SACS: variants seen among roughly 807,000 people sequenced by gnomAD.
SACS encodes sacsin.
In SACS, 197 loss-of-function variants were observed where a neutral mutation model predicts 348.0. The ratio of observed to expected loss-of-function variants is 0.57; its 90% CI spans 0.50 to 0.64. The LOEUF (loss-of-function observed/expected upper bound fraction) is 0.64. SACS is among the 30% of genes least tolerant of loss of function. The pLI, the probability that SACS is intolerant of heterozygous loss-of-function variation, is 0.00. For synonymous variants in SACS, 1,985 were observed against 1,910.6 expected (o/e 1.04, Z -1.02); for missense variants, 4,999 against 5,360.8 (o/e 0.93, Z 2.11).
At chr13:23,405,123 A>G (rs1873150049) in intron 2 of SACS, among the ~76,000 whole-genome samples, 1 of 152,238 alleles carries the variant, frequency 6.6e-6, no homozygotes. Flanking sequence ...AGCAAAAATA[A>G]CAAAGCTGGA....
At chr13:23,409,040 C>CTTTATTTTTTTTTTT (rs1873359919) in intron 2 of SACS, among the ~76,000 whole-genome samples, 1 of 35,122 alleles carries the variant, frequency 2.8e-5, no homozygotes, top group Non-Finnish European at 4.9e-5. Context: ...ACAAGTTTTA[C>CTTTATTTTTTTTTTT]TTTTTTTTTT....
intron 2 of SACS, among the ~76,000 whole-genome samples, chr13:23,389,893 T>C (rs1404682189): frequency 5.9e-5 from 9 of 152,320 alleles, no homozygotes; most frequent in South Asian, 2.1e-4. Flanking sequence ...TACATCAAAA[T>C]GTCAAGTTAT....
intron 2 of SACS, among the ~76,000 whole-genome samples, chr13:23,399,037 A>AAAAAAAAAAAAAAAT (rs55848856): frequency 6.7e-6 from 1 of 149,750 alleles, no homozygotes; most frequent in African/African-American, 2.5e-5. Flanking sequence ...AAAAAAAAAA[A>AAAAAAAAAAAAAAAT]CATGGATGCC....
chr13:23,336,162 C>G lies in SACS; in HGVS notation c.7714G>C (p.Val2572Leu). Residue 2572 changes from valine to leucine, a missense_variant, in exon 10 of 10, where the codon GTT (valine) becomes CTT (leucine). Val to Leu is a conservative substitution (Grantham distance 32). Transcript: ENST00000382292. ...CACTTATCATCAAATATTCTATCAA[C>G]TGGATGCTGTCTAGGATCAAACACA... ...CFVFDPRQHP[V>L]DRIFDDKWAP... 6.2e-7 allele frequency: 1 copy of G among 1,613,848 alleles called. No homozygotes were observed. Among genetic ancestry groups the G allele is most frequent in the East Asian group, 2.2e-5 (1 of 44,882 alleles).
Position 23,334,527 on chromosome 13 carries a change from G to T in SACS, c.9349C>A (p.Leu3117Met). The T allele has an allele frequency of 1.2e-6, 2 of 1,613,404 alleles. No individual in the cohort carries two copies. Among genetic ancestry groups the T allele is most frequent in the African/African-American group, 2.7e-5 (2 of 74,970 alleles). Residue 3117 changes from leucine to methionine, a missense_variant, in exon 10 of 10, where the codon CTG becomes ATG. Transcript: ENST00000382292. ...TTAGTCTGCTGCAGACGACAAGGCA[G>T]CTTCCCAATATGGCAATTAGTGTCA... is the stretch of plus-strand genomic sequence containing the variant. ...SPDTNCHIGKLPCRLQQTNLK... is the reference protein window; with the variant it reads ...SPDTNCHIGKMPCRLQQTNLK...
In SACS at chr13:23,336,142, A is replaced by G; in HGVS notation, c.7734T>C (p.Asp2578=). The part of the protein sequence containing the change: ...RQHPVDRIFD[D]KWAPLQGPAL... ...CTGGCCCTTGCAATGGGGCCCACTT[A>G]TCATCAAATATTCTATCAACTGGAT... Residue 2578 remains aspartate, a synonymous_variant, in exon 10 of 10, where the codon GAT becomes GAC. Transcript: ENST00000382292. 6.2e-7 allele frequency: 1 copy of G among 1,613,508 alleles called. No homozygotes were observed. Among genetic ancestry groups the G allele is most frequent in the Non-Finnish European group, 8.5e-7 (1 of 1,179,534 alleles).
In SACS at chr13:23,334,343, T is replaced by G; in HGVS notation, c.9533A>C (p.His3178Pro). The change falls in exon 10 of 10, where the codon CAT becomes CCT. Residue 3178 changes from histidine to proline, a missense_variant. This residue lies in a region of SACS where 734 missense variants were observed against 694.0 expected (regional missense o/e 1.06). Transcript: ENST00000382292. ...AKRPKFLTTY[H>P]ELIPSRKDLF... ...GTCTTTGCGGGATGGAATCAATTCA[T>G]GATATGTTGTTAGAAACTTGGGTCG... 1 of 1,612,284 alleles carries G rather than the reference T, an allele frequency of 6.2e-7. No homozygotes were observed. Among genetic ancestry groups the G allele is most frequent in the Non-Finnish European group, 8.5e-7 (1 of 1,179,068 alleles).
intron 9 of SACS, among the ~76,000 whole-genome samples, chr13:23,351,623 A>T (rs1869964976): frequency 6.6e-6 from 1 of 152,140 alleles, no homozygotes; most frequent in Admixed American, 6.5e-5. Flanking sequence ...ACTTCTTTTT[A>T]TTTACAAATT....
At chr13:23,394,303 C>A (rs1872634286) in intron 2 of SACS, among the ~76,000 whole-genome samples, 1 of 152,192 alleles carries the variant, frequency 6.6e-6, no homozygotes, top group South Asian at 2.1e-4. Flanking sequence ...GACTCCCCTA[C>A]CTTTAATATC....
In SACS at chr13:23,331,200, G is replaced by C; in HGVS notation, c.12676C>G (p.Gln4226Glu). 1 of 1,613,290 alleles carries C rather than the reference G, an allele frequency of 6.2e-7. No individual in the cohort carries two copies. The highest frequency in any genetic ancestry group is 2.2e-5 in the East Asian group (1 of 44,900). ...TATTCACTATAACCAATATCTATCT[G>C]ATATATCTTTCCTAGAAAACTAGAA... ...DNSSFLGKIY[Q>E]IDIGYSEYKI... Residue 4226 changes from glutamine to glutamate, a missense_variant, in exon 10 of 10, where the codon CAG (glutamine) becomes GAG (glutamate). Gln to Glu is a conservative substitution (Grantham distance 29). Coordinates refer to ENST00000382292, the MANE Select transcript of SACS (RefSeq NM_014363.6).
At chr13:23,392,103 C>G (rs1872549045) in intron 2 of SACS, among the ~76,000 whole-genome samples, 1 of 152,156 alleles carries the variant, frequency 6.6e-6, no homozygotes, top group South Asian at 2.1e-4. Context: ...CCGGGTCCCC[C>G]CAACTTGACG....
intron 1 of SACS, among the ~76,000 whole-genome samples, chr13:23,422,722 G>C (rs888699028): frequency 6.6e-6 from 1 of 151,236 alleles, no homozygotes; most frequent in African/African-American, 2.4e-5. Context: ...GCAGTGGCAC[G>C]ATCTCGGCTC....
rs34928783 is a variant in SACS, at chr13:23,335,854, A to C, written c.8022T>G (p.Phe2674Leu). Residue 2674 changes from phenylalanine (F) to leucine (L), a missense_variant, in exon 10 of 10, where the codon TTT becomes TTG. This residue lies in a region of SACS where 3,156 missense variants were observed against 3,380.1 expected (regional missense o/e 0.93). Transcript: ENST00000382292. The surrounding 1 kb of genome is among the most constrained non-coding windows in gnomAD (Gnocchi z 4.7). The stretch of plus-strand genomic sequence containing the variant: ...CCAGAACATCTGAGAACTGTGTCCT[A>C]AAATCTGCATCCAAATCTCTAAACA... ...GRMFRDLDAD[F>L]RTQFSDVLDL... is the part of the protein sequence containing the mutation. 40 of 1,613,902 alleles carry C rather than the reference A, an allele frequency of 2.5e-5. No homozygotes were observed. In the East Asian group the frequency reaches 8.9e-4, roughly 36 times the overall value.
chr13:23,396,055 A>G (rs7986592), intron 2 of SACS, among the ~76,000 whole-genome samples: 109,660 of 152,082 alleles, frequency 0.72, 39,564 homozygotes, highest in East Asian at 0.82. Context: ...CGGGTGCAGT[A>G]GTTCATGCCT....
Position 23,335,913 on chromosome 13 carries a change from C to T in SACS, c.7963G>A (p.Ala2655Thr). 1 of 1,612,988 alleles carries T rather than the reference C, an allele frequency of 6.2e-7. No homozygotes were observed. Among genetic ancestry groups the T allele is most frequent in the Non-Finnish European group, 8.5e-7 (1 of 1,179,086 alleles). Residue 2655 changes from alanine to threonine, a missense_variant, in exon 10 of 10, where the codon GCA becomes ACA. By Grantham distance (58) the Ala-to-Thr change is moderately conservative. Coordinates refer to ENST00000382292, the MANE Select transcript of SACS (RefSeq NM_014363.6). This position sits in a 1 kb window ranked among gnomAD's most constrained non-coding sequence, Gnocchi z 4.7. Reference protein sequence around the residue: ...LCIFDPHARYAPGATSISPGR... With the variant: ...LCIFDPHARYTPGATSISPGR... ...GGACTAATGGATGTGGCCCCTGGTG[C>T]ATATCTGGCATGAGGATCAAAAATA... is the stretch of plus-strand genomic sequence containing the variant.
chr13:23,338,818 G>GA lies in SACS; in HGVS notation c.5057dup (p.Thr1687HisfsTer15). ...AATACATTGACTTTACACTCTGAGT[G>GA]AAAATGATAAGCCTGTGTCCACAGA... On this transcript the variant is annotated frameshift_variant, in exon 10 of 10. Transcript: ENST00000382292. LOFTEE classifies it high-confidence loss of function. 6.2e-7 allele frequency: 1 copy of GA among 1,612,946 alleles called. No homozygotes were observed. The highest frequency in any genetic ancestry group is 8.5e-7 in the Non-Finnish European group (1 of 1,179,920).
intron 2 of SACS, among the ~76,000 whole-genome samples, chr13:23,382,179 A>G (rs1464805442): frequency 6.6e-6 from 1 of 152,270 alleles, no homozygotes; most frequent in Non-Finnish European, 1.5e-5. Flanking sequence ...TTTGAGACGG[A>G]GTCTCGCTTT....
Position 23,329,314 on chromosome 13 carries a change from A to G in SACS, c.*822T>C. ...AGATTGCATCCTGTTCAACCACACT[A>G]TATAAATTATAACATTTGTGGAAAA... On this transcript the variant is annotated 3_prime_UTR_variant, in exon 10 of 10. Transcript: ENST00000382292. The G allele has an allele frequency of 1.6e-6, 1 of 639,560 alleles. No homozygotes were observed. Among genetic ancestry groups the G allele is most frequent in the South Asian group, 1.9e-5 (1 of 51,696 alleles). 39.6% of individuals were successfully genotyped at this position (639,560 alleles called of 1,614,324 possible). A position where few individuals can be genotyped will look rare whatever the true frequency, so the allele number is the denominator to read the frequency against.
chr13:23,410,464 A>G (rs1320729368), intron 2 of SACS, among the ~76,000 whole-genome samples: 3 of 152,146 alleles, frequency 2.0e-5, no homozygotes, highest in Non-Finnish European at 4.4e-5. Flanking sequence ...GTTCTTTTCA[A>G]TGTTTTGCTT....
Sources: gnomAD v4.1 joint callset for allele counts (sites outside exome capture counted in the v4.1 genomes callset) on GRCh38, gnomAD v4.1.1 for gene constraint, gnomAD v4.1.1 regional missense constraint, Gnocchi (gnomAD v3.1) non-coding constraint, MANE v1.5 for transcripts, NCBI Gene and HGNC (gene_info 2026-07-23, HGNC 2026-07-21) for gene names.